ORC1: variants seen among roughly 807,000 people sequenced by gnomAD.
ORC1 encodes the protein origin recognition complex, subunit 1 homolog.
In ORC1, 61 loss-of-function variants were observed where a neutral mutation model predicts 98.9. The ratio of observed to expected loss-of-function variants is 0.62; its 90% CI spans 0.50 to 0.76. The LOEUF is 0.76. ORC1 is among the 30% of genes least tolerant of loss of function. The pLI is 0.00. For synonymous variants in ORC1, 385 were observed against 406.9 expected, an observed-to-expected ratio of 0.95 and a Z score of 0.65; for missense variants, 979 against 1,072.2, an observed-to-expected ratio of 0.91 and a Z score of 1.21.
At chr1:52,405,653 T>G (rs931557113), upstream of ORC1, 1 of 1,610,638 alleles carries the variant, frequency 6.2e-7, no homozygotes, top group Admixed American at 1.7e-5. Flanking sequence ...AGCCCTAATA[T>G]GTTACTGTAT....
In ORC1 at chr1:52,385,177, G is replaced by A. The variant is rs1569924651; in HGVS notation, c.1567C>T (p.Leu523Phe). The A allele has an allele frequency of 1.2e-6, 2 of 1,612,092 alleles. No individual in the cohort carries two copies. The highest frequency in any genetic ancestry group is 2.2e-5 in the South Asian group (2 of 91,034). Reference sequence around the variant, plus strand: ...ATGACTCACCCTCCGGTATGGTCAAGGAGTTTGCTTTCCACAAAATTGTAG... The same window carrying A: ...ATGACTCACCCTCCGGTATGGTCAAAGAGTTTGCTTTCCACAAAATTGTAG... ...DIYNFVESKL[L>F]DHTGGCMYIS... The change falls in exon 10 of 17, where the codon CTT becomes TTT. Residue 523 changes from leucine (L) to phenylalanine (F), a missense_variant. Coordinates refer to ENST00000371568, the MANE Select transcript of ORC1 (RefSeq NM_004153.4).
intron 14 of ORC1, among the ~76,000 whole-genome samples, chr1:52,378,457 C>G (rs929243335): frequency 3.3e-5 from 5 of 150,606 alleles, no homozygotes; most frequent in African/African-American, 7.4e-5. Context: ...GTCAGGAGTT[C>G]AAGACCAGCC....
chr1:52,389,124 G>T, intron 7 of ORC1, 93 bp downstream of exon 7: 1 of 934,880 alleles, frequency 1.1e-6, no homozygotes, highest in South Asian at 1.3e-5. Context: ...TCAATGGATT[G>T]GCAAATAAAC....
intron 13 of ORC1, among the ~76,000 whole-genome samples, chr1:52,382,657 G>A (rs904378843): frequency 1.5e-5 from 2 of 136,368 alleles, no homozygotes; most frequent in Non-Finnish European, 3.0e-5. Context: ...CTGGCTCACC[G>A]CAACCTCCGC....
At chr1:52,407,882 C>G (rs565643589), upstream of ORC1, among the ~76,000 whole-genome samples, 1 of 152,218 alleles carries the variant, frequency 6.6e-6, no homozygotes, top group African/African-American at 2.4e-5. Context: ...ATGGCAAAAC[C>G]GGTCCCTACT....
intron 2 of ORC1, among the ~76,000 whole-genome samples, 198 bp downstream of exon 2, chr1:52,401,931 G>A (rs1647728897): frequency 6.6e-6 from 1 of 152,168 alleles, no homozygotes; most frequent in Non-Finnish European, 1.5e-5. Flanking sequence ...TTATGAGCCT[G>A]CCATAATTTT....
chr1:52,373,088 T>C lies in ORC1; in HGVS notation c.*93A>G. 7.8e-7 allele frequency: 1 copy of C among 1,283,448 alleles called. No individual in the cohort carries two copies. The highest frequency in any genetic ancestry group is 1.1e-6 in the Non-Finnish European group (1 of 882,334). The allele number at this position is 1,283,448 out of a possible 1,614,324, so 79.5% of individuals were successfully genotyped here. On this transcript the variant is annotated 3_prime_UTR_variant, in exon 17 of 17. Transcript: ENST00000371568. ...TCAAGGCTGCAGTGAGCCATGATCG[T>C]GCCACTGCACTCCAGCCTGGGCGAC...
chr1:52,374,890 A>C lies in ORC1; in HGVS notation c.2311T>G (p.Ser771Ala). ...CTCAGGAAGCTCTGTTCCAGAACAG[A>C]GGAATTTCTTAAAGGAAACGAGGGG... Reference protein sequence around the residue: ...SSYITAIKNSSVLEQSFLRAI... With the variant: ...SSYITAIKNSAVLEQSFLRAI... The change falls in exon 16 of 17, where the codon TCT becomes GCT. Residue 771 changes from serine (S) to alanine (A), a missense_variant. By Grantham distance (99) the Ser-to-Ala change is moderately conservative (BLOSUM62 1). Transcript: ENST00000371568. 6.2e-7 allele frequency: 1 copy of C among 1,612,268 alleles called. No individual in the cohort carries two copies. Among genetic ancestry groups the C allele is most frequent in the South Asian group, 1.1e-5 (1 of 91,046 alleles).
In ORC1 at chr1:52,375,520, T is replaced by C. The variant is rs1377315684; in HGVS notation, c.2213A>G (p.Gln738Arg). 2.5e-6 allele frequency: 4 copies of C among 1,614,058 alleles called. No individual in the cohort carries two copies. Among genetic ancestry groups the C allele is most frequent in the Non-Finnish European group, 3.4e-6 (4 of 1,180,016 alleles). Residue 738 changes from glutamine (Q) to arginine (R), a missense_variant, in exon 15 of 17, where the codon CAG becomes CGG. Physicochemically the swap from Gln to Arg is conservative, Grantham distance 43. Coordinates refer to ENST00000371568, the MANE Select transcript of ORC1 (RefSeq NM_004153.4). ...GACCAGGCCAGGGGAGTCAGGCTTC[T>C]GCTGGGAGAACTCACAGATCTCTGT... The part of the protein sequence containing the change: ...RATEICEFSQ[Q>R]KPDSPGLVTI...
rs950162044 is a variant in ORC1 at position 52,377,463 on chromosome 1, C to T, written c.2134-1864G>A. Reference sequence around the variant, plus strand: ...CTAATTTTTAAATTTTTTGTAGAGACGGGGTTTTAATATGTTGCCCAGGCT... The same window carrying T: ...CTAATTTTTAAATTTTTTGTAGAGATGGGGTTTTAATATGTTGCCCAGGCT... On this transcript the variant is annotated intron_variant, in intron 14 of 16. Coordinates refer to ENST00000371568, the MANE Select transcript of ORC1 (RefSeq NM_004153.4). Among the ~76,000 whole-genome samples, 6 of 151,752 alleles carry T rather than the reference C, an allele frequency of 4.0e-5. No individual in the cohort carries two copies. The East Asian group carries it at 7.8e-4, about 20-fold the overall frequency.
In ORC1 at chr1:52,401,493, G is replaced by A; in HGVS notation, c.96-4C>T. 3.1e-6 allele frequency: 5 copies of A among 1,613,750 alleles called. No individual in the cohort carries two copies. The highest frequency in any genetic ancestry group is 3.4e-6 in the Non-Finnish European group (4 of 1,179,980). The stretch of plus-strand genomic sequence containing the variant: ...TTCTGTTTTCACACACATTTCTCTA[G>A]GAAGTAACAGAGAAGCACATTAGGA... On this transcript the variant is annotated splice_region_variant and splice_polypyrimidine_tract_variant and intron_variant, in intron 2 of 16. Coordinates refer to ENST00000371568, the MANE Select transcript of ORC1 (RefSeq NM_004153.4).
Position 52,383,830 on chromosome 1 carries a change from C to G in ORC1, c.1863G>C (p.Glu621Asp). 1 of 1,612,794 alleles carries G rather than the reference C, an allele frequency of 6.2e-7. No individual in the cohort carries two copies. Among genetic ancestry groups the G allele is most frequent in the Non-Finnish European group, 8.5e-7 (1 of 1,178,882 alleles). ...PQETTVLLVDELDLLWTHKQD... is the reference protein window; with the variant it reads ...PQETTVLLVDDLDLLWTHKQD... Reference sequence around the variant, plus strand: ...TCCTGTCCGCCCATGGGCACCTCACCTCATCCACAAGCAGGACGGTGGTTT... The same window carrying G: ...TCCTGTCCGCCCATGGGCACCTCACGTCATCCACAAGCAGGACGGTGGTTT... The change falls in exon 12 of 17, where the codon GAG (glutamate) becomes GAC (aspartate). Residue 621 changes from glutamate (E) to aspartate (D), a missense_variant and splice_region_variant. Coordinates refer to ENST00000371568, the MANE Select transcript of ORC1 (RefSeq NM_004153.4).
rs1333202856 is a variant in ORC1 at position 52,375,449 on chromosome 1, A to G, written c.2284T>C (p.Ser762Pro). 1.9e-6 allele frequency: 3 copies of G among 1,614,186 alleles called. No homozygotes were observed. The East Asian group carries it at 6.7e-5, about 36-fold the overall frequency. Residue 762 changes from serine to proline, a missense_variant, in exon 15 of 17, where the codon TCA becomes CCA. By Grantham distance (74) the Ser-to-Pro change is moderately conservative (BLOSUM62 -1). Coordinates refer to ENST00000371568, the MANE Select transcript of ORC1 (RefSeq NM_004153.4). ...MEAVDEMFSS[S>P]YITAIKNSSV... is the part of the protein sequence containing the mutation. Reference sequence around the variant, plus strand: ...TCTTACTTGATGGCCGTGATGTATGATGATGAAAACATCTCATCCACAGCT... The same window carrying G: ...TCTTACTTGATGGCCGTGATGTATGGTGATGAAAACATCTCATCCACAGCT...
Position 52,373,136 on chromosome 1 carries a change from A to C in ORC1, c.*45T>G. The C allele has an allele frequency of 6.2e-7, 1 of 1,600,614 alleles. No homozygotes were observed. The highest frequency in any genetic ancestry group is 8.6e-7 in the Non-Finnish European group (1 of 1,169,058). ...GACAGAGCAAGACCCTGTCTCAAAA[A>C]ACAAAACCCAGCAAGACCCCAGTCT... is the stretch of plus-strand genomic sequence containing the variant. On this transcript the variant is annotated 3_prime_UTR_variant, in exon 17 of 17. Transcript: ENST00000371568.
chr1:52,393,681 T>A lies in ORC1; in HGVS notation c.844A>T (p.Lys282Ter). 6.2e-7 allele frequency: 1 copy of A among 1,614,064 alleles called. No individual in the cohort carries two copies. Among genetic ancestry groups the A allele is most frequent in the Non-Finnish European group, 8.5e-7 (1 of 1,179,994 alleles). Residue 282 changes from lysine (K) to a stop codon, truncating the protein, a stop_gained, in exon 6 of 17, where the codon AAA becomes TAA. Coordinates refer to ENST00000371568, the MANE Select transcript of ORC1 (RefSeq NM_004153.4). LOFTEE classifies it high-confidence loss of function. ...TSPSKRSQPD[K>*]LQTLSPALKA... ...AGAGCTGGAGACAAGGTTTGAAGTT[T>A]ATCAGGCTGAGATCTCTTAGAAGGT...
chr1:52,386,092 T>A (rs539700810), intron 8 of ORC1, 143 bp from the exon 9 acceptor site: 12 of 716,668 alleles, frequency 1.7e-5, no homozygotes, highest in South Asian at 1.7e-4. Flanking sequence ...TAAAGGACCA[T>A]GACTCTCCCT....
chr1:52,378,530 G>A (rs867291838), intron 14 of ORC1, among the ~76,000 whole-genome samples: 1 of 151,116 alleles, frequency 6.6e-6, no homozygotes, highest in Non-Finnish European at 1.5e-5. Flanking sequence ...CATGGTGGCG[G>A]GTGCCTGCCT....
rs557987814 is a variant in ORC1 at position 52,386,500 on chromosome 1, A to T, written c.1384-551T>A. 6.6e-5 allele frequency among the ~76,000 whole-genome samples: 10 copies of T among 152,266 alleles called. No individual in the cohort carries two copies. In the East Asian group the frequency reaches 1.9e-3, roughly 29 times the overall value. ...CAGCCCTCTATCTTCTTCCTTGCTCATGGCTTGCTAGAACAAGCCTGCTGC... is the reference window on the plus strand; with the variant it reads ...CAGCCCTCTATCTTCTTCCTTGCTCTTGGCTTGCTAGAACAAGCCTGCTGC... On this transcript the variant is annotated intron_variant, in intron 8 of 16. Transcript: ENST00000371568.
At position 52,401,437 on chromosome 1, in the gene ORC1, C is replaced by G; in HGVS notation, c.148G>C (p.Gly50Arg). 1 of 1,614,026 alleles carries G rather than the reference C, an allele frequency of 6.2e-7. No homozygotes were observed. Among genetic ancestry groups the G allele is most frequent in the Non-Finnish European group, 8.5e-7 (1 of 1,179,954 alleles). ...GCSTEIHIQIGQFVLIEGDDD... is the reference protein window; with the variant it reads ...GCSTEIHIQIRQFVLIEGDDD... ...TCCCCTTCAATCAACACAAACTGTC[C>G]AATCTGGATGTGAATCTCGGTGGAA... The change falls in exon 3 of 17, where the codon GGA (glycine) becomes CGA (arginine). Residue 50 changes from glycine (G) to arginine (R), a missense_variant. Gly to Arg is a moderately radical substitution (Grantham distance 125, BLOSUM62 -2). Transcript: ENST00000371568.
Sources: gnomAD v4.1 joint callset for allele counts (sites outside exome capture counted in the v4.1 genomes callset) on GRCh38, gnomAD v4.1.1 for gene constraint, MANE v1.5 for transcripts, NCBI Gene and HGNC (gene_info 2026-07-23, HGNC 2026-07-21) for gene names.